The following IL16 variants were observed in gnomAD, a reference collection of about 807,000 sequenced individuals.
IL16 encodes the protein interleukin 16, also known as pro-interleukin-16.
In IL16, 67 loss-of-function variants were observed where a neutral mutation model predicts 110.1. That is an observed-to-expected ratio of 0.61 (90% CI 0.50 to 0.75). The LOEUF is 0.75. Ranked by LOEUF, IL16 falls within the 30% of genes least tolerant of loss-of-function variation. The pLI is 0.00. For synonymous variants in IL16, 689 were observed against 662.9 expected (o/e 1.04, Z -0.61); for missense variants, 1,545 against 1,655.0 (o/e 0.93, Z 1.15).
chr15:81,225,270 T>C (rs1388625874), intron 1 of IL16, 29 bp from the exon 2 acceptor site: 1 of 1,478,542 alleles, frequency 6.8e-7, no homozygotes, highest in South Asian at 1.4e-5. Flanking sequence ...CAAGTCACAT[T>C]GCTTCTTCCC....
intron 1 of IL16, among the ~76,000 whole-genome samples, chr15:81,222,491 T>C (rs1896649984): frequency 6.6e-6 from 1 of 151,498 alleles, no homozygotes; most frequent in Non-Finnish European, 1.5e-5. Flanking sequence ...CTGAACTCAG[T>C]CCCTCTCAGA....
At chr15:81,277,180 C>T (rs1898950264) in intron 6 of IL16, among the ~76,000 whole-genome samples, 1 of 151,918 alleles carries the variant, frequency 6.6e-6, no homozygotes, top group African/African-American at 2.4e-5. Context: ...TCCAGTAGGC[C>T]ACGCAGATCA....
intron 1 of IL16, among the ~76,000 whole-genome samples, chr15:81,202,527 C>T (rs939807891): frequency 6.7e-6 from 1 of 150,326 alleles, no homozygotes; most frequent in African/African-American, 2.5e-5. Flanking sequence ...TTCCTGTGTC[C>T]ATGTGTTCTC....
chr15:81,274,747 G>GT (rs910722900), intron 6 of IL16, among the ~76,000 whole-genome samples: 66 of 152,322 alleles, frequency 4.3e-4, no homozygotes, highest in African/African-American at 1.5e-3. Flanking sequence ...GTGTGGAGTG[G>GT]TTGCAGCTCA....
rs781332888 is a variant in IL16, at chr15:81,306,548, G to A, written c.3805+3G>A. Reference sequence around the variant, plus strand: ...CACCATTAACAGGATTTTCAAAGGTGTGGGGTGTGTCTGGTTCTTTGCGTG... The same window carrying A: ...CACCATTAACAGGATTTTCAAAGGTATGGGGTGTGTCTGGTTCTTTGCGTG... On this transcript the variant is annotated splice_donor_region_variant and intron_variant, in intron 18 of 18. Transcript: ENST00000683961. 1.2e-5 allele frequency: 19 copies of A among 1,612,032 alleles called. No individual in the cohort carries two copies. The highest frequency in any genetic ancestry group is 1.5e-5 in the Non-Finnish European group (18 of 1,180,026).
chr15:81,269,454 G>A (rs1307863927), intron 4 of IL16, 84 bp from the exon 5 acceptor site: 3 of 902,668 alleles, frequency 3.3e-6, no homozygotes, highest in Non-Finnish European at 5.5e-6. Context: ...TCCTCTCTTT[G>A]GCTGGGCTTT....
intron 8 of IL16, among the ~76,000 whole-genome samples, chr15:81,281,643 C>T (rs955413221): frequency 6.6e-6 from 1 of 152,240 alleles, no homozygotes; most frequent in Admixed American, 6.5e-5. Flanking sequence ...CAAAGCTGAA[C>T]CCCCCAGTCT....
At chr15:81,198,002 GAGA>G (rs1895662995) in intron 1 of IL16, among the ~76,000 whole-genome samples, 1 of 152,106 alleles carries the variant, frequency 6.6e-6, no homozygotes, top group Non-Finnish European at 1.5e-5. Context: ...CCCCCGGAAG[GAGA>G]AGACCGTTCA....
rs1273844106 is a variant in IL16 at position 81,265,637 on chromosome 15, T to C, written c.422-22T>C. ...TTTGAGAGCACAAATGATTTCTTGCTGTTTTTCCTCTTCTGGTTTAGGTGT... is the reference window on the plus strand; with the variant it reads ...TTTGAGAGCACAAATGATTTCTTGCCGTTTTTCCTCTTCTGGTTTAGGTGT... On this transcript the variant is annotated intron_variant, in intron 3 of 18. Coordinates refer to ENST00000683961, the MANE Select transcript of IL16 (RefSeq NM_172217.5). 2.5e-6 allele frequency: 4 copies of C among 1,611,552 alleles called. No individual in the cohort carries two copies. In the African/African-American group the frequency reaches 4.0e-5, roughly 16 times the overall value.
chr15:81,228,764 T>C (rs116467661), intron 2 of IL16, among the ~76,000 whole-genome samples: 1,624 of 152,274 alleles, frequency 0.011, 32 homozygotes, highest in African/African-American at 0.038. Context: ...ATATTGCTAT[T>C]TCTGAAGGGC....
intron 1 of IL16, among the ~76,000 whole-genome samples, chr15:81,189,851 A>T (rs1895471690): frequency 6.6e-6 from 1 of 152,238 alleles, no homozygotes. Context: ...ATGTCATGAC[A>T]ACAACAAATT....
At chr15:81,199,029 AAATATAT>A (rs1173385043) in intron 1 of IL16, among the ~76,000 whole-genome samples, 114 of 101,426 alleles carry the variant, frequency 1.1e-3, no homozygotes, top group African/African-American at 1.3e-3. Flanking sequence ...CAAAAAAAAA[AAATATAT>A]ATATATATAT....
chr15:81,262,823 CA>C (rs1898211360), intron 3 of IL16, among the ~76,000 whole-genome samples: 1 of 152,100 alleles, frequency 6.6e-6, no homozygotes, highest in African/African-American at 2.4e-5. Flanking sequence ...CCCAGCTACT[CA>C]GGAGGCTGAG....
chr15:81,226,856 A>C lies in IL16; in HGVS notation c.312+1145A>C, dbSNP rs527456112. On this transcript the variant is annotated intron_variant, in intron 2 of 18. Coordinates refer to ENST00000683961, the MANE Select transcript of IL16 (RefSeq NM_172217.5). ...GAAAAAATCTAATCCACCAACTGAG[A>C]GTCAAATTTATTAGTGACATTATGA... Among the ~76,000 whole-genome samples, 12 of 152,318 alleles carry C rather than the reference A, an allele frequency of 7.9e-5. No individual in the cohort carries two copies. In the South Asian group the frequency reaches 2.1e-3, roughly 26 times the overall value.
chr15:81,309,742 G>A lies in IL16; in HGVS notation c.*944G>A, dbSNP rs1900757436. 1 of 152,238 alleles carries A rather than the reference G, an allele frequency of 6.6e-6. No homozygotes were observed. The highest frequency in any genetic ancestry group is 6.5e-5 in the Admixed American group (1 of 15,286). The allele number at this position is 152,238 out of a possible 1,614,324, so 9.4% of individuals were successfully genotyped here. A position where few individuals can be genotyped will look rare whatever the true frequency, so the allele number is the denominator to read the frequency against. On this transcript the variant is annotated 3_prime_UTR_variant, in exon 19 of 19. Coordinates refer to ENST00000683961, the MANE Select transcript of IL16 (RefSeq NM_172217.5). ...ACAGAAGGAACCAGCGTGTATATGAGGGTATCAAATAAAATTGCTACTACT... is the reference window on the plus strand; with the variant it reads ...ACAGAAGGAACCAGCGTGTATATGAAGGTATCAAATAAAATTGCTACTACT...
intron 1 of IL16, among the ~76,000 whole-genome samples, chr15:81,186,554 C>T (rs1442232170): frequency 6.6e-6 from 1 of 152,222 alleles, no homozygotes; most frequent in Non-Finnish European, 1.5e-5. Context: ...CCAGTCTTAC[C>T]AACCTCAGAA....
rs376502398 is a variant in IL16 at position 81,306,142 on chromosome 15, G to A, written c.3655G>A (p.Ala1219Thr). ...TGACTCTGCAGCCTCAGCCTCTGCA[G>A]CCAGTGATGTTTCTGTAGAATCTAG... ...STDSAASASA[A>T]SDVSVESTAE... Residue 1219 changes from alanine to threonine, a missense_variant, in exon 17 of 19, where the codon GCC becomes ACC. Ala to Thr is a moderately conservative substitution (Grantham distance 58). Coordinates refer to ENST00000683961, the MANE Select transcript of IL16 (RefSeq NM_172217.5). The A allele has an allele frequency of 3.7e-6, 6 of 1,613,954 alleles. No individual in the cohort carries two copies. The African/African-American group carries it at 5.3e-5, about 14-fold the overall frequency.
In IL16 at chr15:81,313,075, G is replaced by A. The variant is rs957219278; in HGVS notation, c.*4277G>A. ...GCTCATCACACGCCAACCCTGAGTG[G>A]GGCAGGAGGCAGGAAGGGTGGGCTG... On this transcript the variant is annotated 3_prime_UTR_variant, in exon 19 of 19. Coordinates refer to ENST00000683961, the MANE Select transcript of IL16 (RefSeq NM_172217.5). The A allele has an allele frequency of 2.3e-5, 14 of 606,670 alleles. No homozygotes were observed. The African/African-American group carries it at 2.5e-4, about 11-fold the overall frequency. 37.6% of individuals were successfully genotyped at this position (606,670 alleles called of 1,614,324 possible). A position where few individuals can be genotyped will look rare whatever the true frequency, so the allele number is the denominator to read the frequency against.
intron 2 of IL16, among the ~76,000 whole-genome samples, chr15:81,225,915 T>C (rs1368889687): frequency 6.6e-6 from 1 of 152,108 alleles, no homozygotes; most frequent in Non-Finnish European, 1.5e-5. Flanking sequence ...CACTCTTGCT[T>C]GAGAGGTTCA....
Sources: allele counts gnomAD v4.1 joint callset (sites outside exome capture counted in the v4.1 genomes callset), GRCh38; gene constraint gnomAD v4.1.1; transcripts MANE v1.5; gene names NCBI Gene and HGNC (gene_info 2026-07-23, HGNC 2026-07-21).